The following ATP6V1C2 variants were observed in gnomAD, a reference collection of about 807,000 sequenced individuals.
ATP6V1C2 encodes ATPase H+ transporting V1 subunit C2.
ATP6V1C2 carries 45 observed loss-of-function variants against 56.8 expected under a neutral mutation model. The ratio of observed to expected loss-of-function variants is 0.79; its 90% CI spans 0.62 to 1.02. The LOEUF is 1.02. Ranked by LOEUF, ATP6V1C2 falls within the 50% of genes least tolerant of loss-of-function variation. The pLI is 0.00. For synonymous variants in ATP6V1C2, 220 were observed against 201.3 expected, an observed-to-expected ratio of 1.09 and a Z score of -0.79; for missense variants, 463 against 519.7, an observed-to-expected ratio of 0.89 and a Z score of 1.06.
In ATP6V1C2 at chr2:10,775,080, GTGAT is replaced by G; in HGVS notation, c.825+13_825+16del. The G allele has an allele frequency of 6.2e-7, 1 of 1,609,332 alleles. No homozygotes were observed. Among genetic ancestry groups the G allele is most frequent in the Non-Finnish European group, 8.5e-7 (1 of 1,175,912 alleles). The stretch of plus-strand genomic sequence containing the variant: ...ATAAGAAGCAACAGTATGTGAGTAT[GTGAT>G]TGAGCAGCTCCTCCCGCCCCTACCC... On this transcript the variant is annotated intron_variant, in intron 10 of 13. Transcript: ENST00000272238.
chr2:10,753,861 C>T (rs1028818410), intron 3 of ATP6V1C2, 120 bp from the exon 4 acceptor site: 4 of 876,482 alleles, frequency 4.6e-6, no homozygotes, highest in South Asian at 1.5e-5. Flanking sequence ...CCTCTTCATA[C>T]ATCTTGCCAA....
At chr2:10,734,108 C>T (rs961516245) in intron 3 of ATP6V1C2, among the ~76,000 whole-genome samples, 2 of 152,096 alleles carry the variant, frequency 1.3e-5, no homozygotes, top group African/African-American at 2.4e-5. Flanking sequence ...GTGAATAGAC[C>T]GCGGTTGCAT....
chr2:10,779,962 C>T (rs55675740), intron 12 of ATP6V1C2, among the ~76,000 whole-genome samples: 20,788 of 152,126 alleles, frequency 0.14, 1,835 homozygotes, highest in Non-Finnish European at 0.2. Flanking sequence ...CACTGCGCAC[C>T]GCCTGCCGCT....
chr2:10,765,462 C>T (rs1012807539), intron 5 of ATP6V1C2, among the ~76,000 whole-genome samples: 1 of 152,226 alleles, frequency 6.6e-6, no homozygotes, highest in Non-Finnish European at 1.5e-5. Context: ...AACAAAGGCA[C>T]CCGGTTTTCT....
intron 3 of ATP6V1C2, among the ~76,000 whole-genome samples, chr2:10,747,193 G>T (rs982286326): frequency 6.6e-6 from 1 of 151,370 alleles, no homozygotes. Flanking sequence ...GCTTGAACCC[G>T]GGAGGTGGAG....
intron 10 of ATP6V1C2, among the ~76,000 whole-genome samples, chr2:10,775,323 G>A (rs13020276): frequency 0.34 from 51,007 of 152,118 alleles, 9,578 homozygotes; most frequent in East Asian, 0.52. Context: ...CTTTCCACAT[G>A]TGTTCTCACT....
In ATP6V1C2 at chr2:10,724,478, G is replaced by A. The variant is rs1311367620; in HGVS notation, c.129+1500G>A. 2.0e-5 allele frequency among the ~76,000 whole-genome samples: 3 copies of A among 152,070 alleles called. No homozygotes were observed. In the South Asian group the frequency reaches 6.2e-4, roughly 32 times the overall value. ...TTTTAAGCCTGCCTCTGCTTGTCCA[G>A]CAATGGACACTGTACGGGTGAGTAA... On this transcript the variant is annotated intron_variant, in intron 2 of 13. Transcript: ENST00000272238.
At chr2:10,753,433 T>G (rs374047769) in intron 3 of ATP6V1C2, among the ~76,000 whole-genome samples, 10 of 152,344 alleles carry the variant, frequency 6.6e-5, no homozygotes, top group African/African-American at 2.4e-4. Context: ...AGCAGCGTGC[T>G]GTGAAGAACA....
At chr2:10,775,306 G>A (rs1014748772) in intron 10 of ATP6V1C2, among the ~76,000 whole-genome samples, 3 of 152,220 alleles carry the variant, frequency 2.0e-5, no homozygotes, top group Admixed American at 1.3e-4. Context: ...GCCCACCCAA[G>A]CTGGCGCTTT....
rs1363715541 is a variant in ATP6V1C2 at position 10,774,855 on chromosome 2, T to G, written c.706T>G (p.Phe236Val). Residue 236 changes from phenylalanine to valine, a missense_variant, in exon 9 of 14, where the codon TTC (phenylalanine) becomes GTC (valine). Transcript: ENST00000272238. ...TCTGTTTCGAAAAGTGATTGAAGAT[T>G]TCAAAACCAAGGCCAAAGAAAACAA... ...VTLFRKVIED[F>V]KTKAKENKFT... is the part of the protein sequence containing the mutation. 1.2e-6 allele frequency: 2 copies of G among 1,614,080 alleles called. No homozygotes were observed. Among genetic ancestry groups the G allele is most frequent in the African/African-American group, 2.7e-5 (2 of 74,934 alleles).
At chr2:10,754,092 G>C in intron 4 of ATP6V1C2, 26 bp downstream of exon 4, 2 of 1,567,472 alleles carry the variant, frequency 1.3e-6, no homozygotes, top group Non-Finnish European at 1.7e-6. Context: ...CTCTGATGTG[G>C]AGCACAATCT....
At chr2:10,781,921 C>G (rs6705068) in intron 12 of ATP6V1C2, among the ~76,000 whole-genome samples, 5,439 of 152,282 alleles carry the variant, frequency 0.036, 341 homozygotes, top group African/African-American at 0.12. Flanking sequence ...GGGTTTTAGA[C>G]AAACGCCTTG....
chr2:10,772,495 C>G (rs760624167), intron 7 of ATP6V1C2, 47 bp from the exon 8 acceptor site: 1 of 1,528,822 alleles, frequency 6.5e-7, no homozygotes, highest in South Asian at 1.1e-5. Flanking sequence ...AGGACACCCA[C>G]GAGCCTTTTC....
At chr2:10,776,879 G>C (rs1214545868) in intron 10 of ATP6V1C2, among the ~76,000 whole-genome samples, 2 of 152,226 alleles carry the variant, frequency 1.3e-5, no homozygotes, top group African/African-American at 4.8e-5. Context: ...TGGGGGCCCT[G>C]CCAGGGTCTC....
rs1190852213 is a variant in ATP6V1C2, at chr2:10,778,611, G to T, written c.1003G>T (p.Ala335Ser). ...CTGGCTCAAGGTGAACTTCAGTGAA[G>T]CCTTCATTGCCTGGATCCACATCAA... Reference protein sequence around the residue: ...LRWLKVNFSEAFIAWIHIKAL... With the variant: ...LRWLKVNFSESFIAWIHIKAL... Residue 335 changes from alanine to serine, a missense_variant, in exon 12 of 14, where the codon GCC becomes TCC. Coordinates refer to ENST00000272238, the MANE Select transcript of ATP6V1C2 (RefSeq NM_001039362.2). The T allele has an allele frequency of 2.5e-6, 4 of 1,614,198 alleles. No individual in the cohort carries two copies. The Admixed American group carries it at 6.7e-5, about 27-fold the overall frequency.
intron 12 of ATP6V1C2, among the ~76,000 whole-genome samples, chr2:10,781,521 T>C (rs1213512254): frequency 1.3e-5 from 2 of 151,882 alleles, no homozygotes; most frequent in Admixed American, 6.6e-5. Flanking sequence ...TATTAATAGG[T>C]CCTGCTCCCA....
At chr2:10,761,422 A>G (rs1663896654) in intron 4 of ATP6V1C2, among the ~76,000 whole-genome samples, 1 of 152,038 alleles carries the variant, frequency 6.6e-6, no homozygotes, top group Non-Finnish European at 1.5e-5. Flanking sequence ...AGTCCCCGCC[A>G]TCCTCCTGGT....
At chr2:10,738,619 A>G (rs1362363657) in intron 3 of ATP6V1C2, among the ~76,000 whole-genome samples, 2 of 152,096 alleles carry the variant, frequency 1.3e-5, no homozygotes, top group African/African-American at 4.8e-5. Context: ...GCCCCAGTAA[A>G]TGGCAGCCAT....
intron 4 of ATP6V1C2, among the ~76,000 whole-genome samples, chr2:10,758,391 C>A: frequency 6.6e-6 from 1 of 152,164 alleles, no homozygotes; most frequent in Non-Finnish European, 1.5e-5. Flanking sequence ...GTTGAACGGG[C>A]TTTATGACCT....
Sources: allele counts gnomAD v4.1 joint callset (sites outside exome capture counted in the v4.1 genomes callset), GRCh38; gene constraint gnomAD v4.1.1; transcripts MANE v1.5; gene names NCBI Gene and HGNC (gene_info 2026-07-23, HGNC 2026-07-21).